Variants in LRRC4C observed in about 807,000 individuals in gnomAD.
LRRC4C encodes the protein leucine-rich repeat-containing protein 4C.
LRRC4C carries 5 observed loss-of-function variants against 33.6 expected under a neutral mutation model. That is an observed-to-expected ratio of 0.15 (90% CI 0.08 to 0.31). The LOEUF is 0.31. Among genes scored for constraint, LRRC4C ranks in the 10% least tolerant of loss-of-function variants. The probability of loss-of-function intolerance (pLI) is 1.00; values close to 1 mark genes in which losing one functional copy is unlikely to be tolerated. For synonymous variants in LRRC4C, 329 were observed against 302.0 expected (o/e 1.09, Z -0.93); for missense variants, 560 against 796.7 (o/e 0.70, Z 3.58).
chr11:40,561,604 G>A (rs2135509088), intron 3 of LRRC4C, among the ~76,000 whole-genome samples: 1 of 151,634 alleles, frequency 6.6e-6, no homozygotes, highest in East Asian at 2.0e-4. Flanking sequence ...AGTAGAGACG[G>A]GGTTTCGTCG....
intron 3 of LRRC4C, among the ~76,000 whole-genome samples, chr11:40,552,563 A>G (rs1957168197): frequency 6.6e-6 from 1 of 152,210 alleles, no homozygotes; most frequent in African/African-American, 2.4e-5. Context: ...GATGTCCAGT[A>G]GACATGAGGG....
intron 4 of LRRC4C, among the ~76,000 whole-genome samples, chr11:40,288,719 A>C (rs1944005435): frequency 6.6e-6 from 1 of 152,188 alleles, no homozygotes; most frequent in Non-Finnish European, 1.5e-5. Context: ...CAAAGTAAAG[A>C]TTTTGTTTAA....
intron 2 of LRRC4C, among the ~76,000 whole-genome samples, chr11:40,882,694 T>C (rs1203038204): frequency 6.6e-6 from 1 of 152,142 alleles, no homozygotes; most frequent in Non-Finnish European, 1.5e-5. Context: ...GTAACATTTA[T>C]TGCTATTTTA....
intron 3 of LRRC4C, among the ~76,000 whole-genome samples, chr11:40,423,103 T>G (rs1950578831): frequency 6.6e-6 from 1 of 152,100 alleles, no homozygotes; most frequent in South Asian, 2.1e-4. Flanking sequence ...CTTTGTTCAG[T>G]AAGGTCACCT....
chr11:41,132,856 A>G (rs1342426982), intron 1 of LRRC4C, among the ~76,000 whole-genome samples: 1 of 152,118 alleles, frequency 6.6e-6, no homozygotes, highest in Admixed American at 6.6e-5. Flanking sequence ...CATGGTGCAA[A>G]TCACTGTTCT....
At chr11:40,624,807 A>C (rs185416723) in intron 3 of LRRC4C, among the ~76,000 whole-genome samples, 2 of 152,304 alleles carry the variant, frequency 1.3e-5, no homozygotes, top group East Asian at 3.9e-4. Flanking sequence ...CCTTAATATC[A>C]GTAAACCATA....
At chr11:40,193,437 A>T (rs1198651602) in intron 5 of LRRC4C, among the ~76,000 whole-genome samples, 1 of 152,086 alleles carries the variant, frequency 6.6e-6, no homozygotes, top group African/African-American at 2.4e-5. Context: ...CCATGCAAAA[A>T]CCCTATTCGA....
intron 1 of LRRC4C, among the ~76,000 whole-genome samples, chr11:41,202,160 G>GA (rs1230069551): frequency 6.6e-6 from 1 of 152,076 alleles, no homozygotes; most frequent in Non-Finnish European, 1.5e-5. Context: ...TGATAAACTA[G>GA]ACAGCACTAG....
chr11:41,235,051 T>A (rs12290191), intron 1 of LRRC4C, among the ~76,000 whole-genome samples: 5,610 of 152,070 alleles, frequency 0.037, 148 homozygotes, highest in African/African-American at 0.068. Flanking sequence ...GGAAGGGTTC[T>A]ATAAACATGT....
chr11:41,149,306 C>A (rs1943877312), intron 1 of LRRC4C, among the ~76,000 whole-genome samples: 1 of 151,774 alleles, frequency 6.6e-6, no homozygotes, highest in African/African-American at 2.4e-5. Flanking sequence ...GAGATCGAGA[C>A]CATCCCGGCT....
intron 3 of LRRC4C, among the ~76,000 whole-genome samples, chr11:40,397,971 A>C (rs1949607609): frequency 6.6e-6 from 1 of 152,126 alleles, no homozygotes; most frequent in Non-Finnish European, 1.5e-5. Flanking sequence ...GGATACTATA[A>C]TGATGCAATA....
intron 4 of LRRC4C, among the ~76,000 whole-genome samples, chr11:40,276,674 AGTGTGTGTGTGTGT>A (rs56155922): frequency 4.9e-4 from 63 of 127,640 alleles, no homozygotes; most frequent in Middle Eastern, 4.1e-3. Flanking sequence ...GTGGGAAACA[AGTGTGTGTGTGTGT>A]GTGTGTGTGT....
chr11:41,408,536 C>G (rs1031787890), intron 1 of LRRC4C, among the ~76,000 whole-genome samples: 8 of 152,124 alleles, frequency 5.3e-5, no homozygotes, highest in African/African-American at 1.9e-4. Context: ...ACTTAGAATA[C>G]TGTACCAATG....
At chr11:40,623,896 A>G (rs1962691279) in intron 3 of LRRC4C, among the ~76,000 whole-genome samples, 2 of 152,278 alleles carry the variant, frequency 1.3e-5, no homozygotes, top group Admixed American at 6.5e-5. Flanking sequence ...TACATTATAA[A>G]AACTCACAAA....
intron 2 of LRRC4C, among the ~76,000 whole-genome samples, chr11:40,811,417 C>G (rs1951483279): frequency 6.6e-6 from 1 of 152,148 alleles, no homozygotes; most frequent in African/African-American, 2.4e-5. Context: ...GTATCCTGTT[C>G]ACAGCTGTTT....
chr11:40,841,053 A>C (rs1019105424), intron 2 of LRRC4C, among the ~76,000 whole-genome samples: 1 of 152,258 alleles, frequency 6.6e-6, no homozygotes, highest in African/African-American at 2.4e-5. Context: ...AAATATAAAA[A>C]GAAAGATTAA....
chr11:40,947,485 TA>T (rs1958457812), intron 1 of LRRC4C, among the ~76,000 whole-genome samples: 1 of 152,164 alleles, frequency 6.6e-6, no homozygotes, highest in Admixed American at 6.6e-5. Context: ...TGCTACCTAT[TA>T]CCTAGTGAAT....
chr11:40,762,421 GT>G (rs1456990401), intron 2 of LRRC4C, among the ~76,000 whole-genome samples: 1 of 152,102 alleles, frequency 6.6e-6, no homozygotes, highest in African/African-American at 2.4e-5. Context: ...ACACTGTTGA[GT>G]TCTTGTACAT....
In LRRC4C at chr11:40,687,332, C is replaced by A. The variant is rs796971268; in HGVS notation, c.-406-39054G>T. ...CAAGTCCAAATAAAAATATCAATTA[C>A]CACATTTCTACATTTATTCAGTGTG... is the stretch of plus-strand genomic sequence containing the variant. On this transcript the variant is annotated intron_variant, in intron 2 of 6. Transcript: ENST00000528697. 4.3e-4 allele frequency among the ~76,000 whole-genome samples: 65 copies of A among 152,028 alleles called. 1 individual carries two copies. The highest frequency in any genetic ancestry group is 1.5e-3 in the African/African-American group (64 of 41,468).
Sources: gnomAD v4.1 joint callset for allele counts (sites outside exome capture counted in the v4.1 genomes callset) on GRCh38, gnomAD v4.1.1 for gene constraint, MANE v1.5 for transcripts, NCBI Gene and HGNC (gene_info 2026-07-23, HGNC 2026-07-21) for gene names.